The following CNTN5 variants were observed in gnomAD, a reference collection of about 807,000 sequenced individuals.
The protein encoded by CNTN5 is contactin-5.
In CNTN5, 77 loss-of-function variants were observed where a neutral mutation model predicts 129.1. The observed-to-expected ratio is 0.60, with a 90% CI of 0.50 to 0.72. CNTN5 has a LOEUF of 0.72. Ranked by LOEUF, CNTN5 falls within the 30% of genes least tolerant of loss-of-function variation. The pLI, the probability that CNTN5 is intolerant of heterozygous loss-of-function variation, is 0.00. For missense variants in CNTN5, 1,478 were observed against 1,328.8 expected, an observed-to-expected ratio of 1.11 and a Z score of -1.75; for synonymous variants, 509 against 465.6, an observed-to-expected ratio of 1.09 and a Z score of -1.20.
At chr11:99,962,296 T>C (rs1950969713) in intron 8 of CNTN5, among the ~76,000 whole-genome samples, 1 of 150,496 alleles carries the variant, frequency 6.6e-6, no homozygotes, top group African/African-American at 2.4e-5. Context: ...CTCCTAATGC[T>C]ATCCCTCCCC....
At chr11:99,809,219 C>T (rs1366159355) in intron 3 of CNTN5, among the ~76,000 whole-genome samples, 1 of 152,086 alleles carries the variant, frequency 6.6e-6, no homozygotes, top group East Asian at 1.9e-4. Context: ...TCACTTATAG[C>T]CCCAATTTGA....
At chr11:99,923,757 G>GTCTATCTATCTATCTATCTATCTATCTA (rs11271049) in intron 7 of CNTN5, among the ~76,000 whole-genome samples, 11 of 140,702 alleles carry the variant, frequency 7.8e-5, no homozygotes, top group African/African-American at 1.4e-4. Context: ...CTATCTGTCT[G>GTCTATCTATCTATCTATCTATCTATCTA]TCTATCTATC....
intron 2 of CNTN5, among the ~76,000 whole-genome samples, chr11:99,448,596 A>C (rs1944166601): frequency 6.6e-6 from 1 of 151,966 alleles, no homozygotes; most frequent in Non-Finnish European, 1.5e-5. Context: ...TCCCTACCCT[A>C]GGAACCTGCA....
rs1259593368 is a variant in CNTN5 at position 99,462,324 on chromosome 11, T to TTTTTCTTTC, written c.-70-93816_-70-93808dup. Among the ~76,000 whole-genome samples the TTTTTCTTTC allele has an allele frequency of 4.0e-5, 6 of 150,938 alleles. No individual in the cohort carries two copies. The South Asian group carries it at 8.4e-4, about 21-fold the overall frequency. ...GCAGGAAAAAATGTGTAGATTGTCC[T>TTTTTCTTTC]TTTTCTTTCTTTTTTTTCTTTTTTT... is the stretch of plus-strand genomic sequence containing the variant. On this transcript the variant is annotated intron_variant, in intron 2 of 24. Transcript: ENST00000524871.
chr11:99,246,131 T>A (rs1861802609), intron 1 of CNTN5, among the ~76,000 whole-genome samples: 1 of 152,206 alleles, frequency 6.6e-6, no homozygotes, highest in Non-Finnish European at 1.5e-5. Flanking sequence ...TTACTTATTA[T>A]GAAAAATGAG....
chr11:99,957,169 C>A (rs1385289508), intron 8 of CNTN5, among the ~76,000 whole-genome samples, 160 bp downstream of exon 8: 1 of 151,936 alleles, frequency 6.6e-6, no homozygotes, highest in Non-Finnish European at 1.5e-5. Flanking sequence ...TTTTGCATGC[C>A]TTAGAATAAA....
chr11:99,202,293 A>G (rs1859248774), intron 1 of CNTN5, among the ~76,000 whole-genome samples: 1 of 152,218 alleles, frequency 6.6e-6, no homozygotes, highest in South Asian at 2.1e-4. Context: ...TGCTCATGGC[A>G]TTACAGAAAA....
chr11:99,596,331 G>A (rs913359921), intron 3 of CNTN5, among the ~76,000 whole-genome samples: 5 of 152,184 alleles, frequency 3.3e-5, no homozygotes, highest in Admixed American at 3.3e-4. Flanking sequence ...TAATAGCATA[G>A]TAAGAGCAAG....
intron 2 of CNTN5, among the ~76,000 whole-genome samples, chr11:99,497,855 A>G (rs1946284781): frequency 6.6e-6 from 1 of 152,172 alleles, no homozygotes; most frequent in Admixed American, 6.5e-5. Context: ...TGTTAAATAC[A>G]CTACTGATAG....
At chr11:100,189,266 TAAAAAA>T (rs35445081) in intron 13 of CNTN5, among the ~76,000 whole-genome samples, 17 of 130,984 alleles carry the variant, frequency 1.3e-4, no homozygotes, top group African/African-American at 4.4e-4. Flanking sequence ...TAAGTTGAAT[TAAAAAA>T]AAAAAAAAAA....
chr11:99,340,784 A>G (rs1002587110), intron 2 of CNTN5, among the ~76,000 whole-genome samples: 1 of 152,248 alleles, frequency 6.6e-6, no homozygotes, highest in Non-Finnish European at 1.5e-5. Context: ...AAATAATTTA[A>G]TGAAAGTAAT....
rs200945111 is a variant in CNTN5 at position 99,957,026 on chromosome 11, G to C, written c.877+17G>C. The C allele has an allele frequency of 6.2e-7, 1 of 1,604,020 alleles. No individual in the cohort carries two copies. Among genetic ancestry groups the C allele is most frequent in the East Asian group, 2.2e-5 (1 of 44,740 alleles). On this transcript the variant is annotated intron_variant, in intron 8 of 24. Transcript: ENST00000524871. ...GTAATGATGGTAAGTTGCTTGGCCC[G>C]TTAAAATGGTCAGCCAACTCTAATT...
intron 2 of CNTN5, among the ~76,000 whole-genome samples, chr11:99,505,231 T>C (rs1324906394): frequency 6.6e-6 from 1 of 152,198 alleles, no homozygotes; most frequent in African/African-American, 2.4e-5. Flanking sequence ...TGCTTTTATA[T>C]GGTATCCCAA....
chr11:99,953,233 A>G (rs1446500517), intron 7 of CNTN5, among the ~76,000 whole-genome samples: 3 of 152,064 alleles, frequency 2.0e-5, no homozygotes, highest in Non-Finnish European at 4.4e-5. Flanking sequence ...GTTTTTGTAT[A>G]CTCTGTAGAT....
At chr11:100,159,070 G>GAGC (rs1225831683) in intron 13 of CNTN5, among the ~76,000 whole-genome samples, 1 of 151,706 alleles carries the variant, frequency 6.6e-6, no homozygotes, top group Non-Finnish European at 1.5e-5. Flanking sequence ...AGACACAAAG[G>GAGC]AGCACATACT....
At chr11:100,247,801 T>TC (rs1185154113) in intron 16 of CNTN5, among the ~76,000 whole-genome samples, 1 of 30,288 alleles carries the variant, frequency 3.3e-5, no homozygotes, top group East Asian at 2.9e-3. Context: ...TATTGAAATA[T>TC]TTTTTCATGA....
intron 1 of CNTN5, among the ~76,000 whole-genome samples, chr11:99,172,199 C>A (rs1402696854): frequency 1.0e-5 from 1 of 96,020 alleles, no homozygotes; most frequent in African/African-American, 4.3e-5. Context: ...ATCACTAAGA[C>A]CCAGTTTCTT....
At chr11:100,010,181 C>T (rs989276068) in intron 9 of CNTN5, among the ~76,000 whole-genome samples, 5 of 152,056 alleles carry the variant, frequency 3.3e-5, no homozygotes, top group Non-Finnish European at 7.4e-5. Flanking sequence ...TATAATTAAA[C>T]ATTGGTGATG....
intron 8 of CNTN5, among the ~76,000 whole-genome samples, chr11:99,999,188 G>C (rs967796196): frequency 6.6e-6 from 1 of 152,040 alleles, no homozygotes; most frequent in African/African-American, 2.4e-5. Context: ...CTTCTGCACA[G>C]CAAAAGAAAC....
Sources: gnomAD v4.1 joint callset for allele counts (sites outside exome capture counted in the v4.1 genomes callset) on GRCh38, gnomAD v4.1.1 for gene constraint, MANE v1.5 for transcripts, NCBI Gene and HGNC (gene_info 2026-07-23, HGNC 2026-07-21) for gene names.